Variants in NDRG2 observed in about 807,000 individuals in gnomAD.
NDRG2 encodes protein NDRG2.
In NDRG2, 34 loss-of-function variants were observed where a neutral mutation model predicts 58.2. The ratio of observed to expected loss-of-function variants is 0.58; its 90% confidence interval spans 0.44 to 0.78. NDRG2 has a LOEUF of 0.78. Ranked by LOEUF, NDRG2 falls within the 30% of genes least tolerant of loss-of-function variation. The pLI is 0.00. For synonymous variants in NDRG2, 187 were observed against 175.9 expected, an observed-to-expected ratio of 1.06 and a Z score of -0.50; for missense variants, 434 against 471.2, an observed-to-expected ratio of 0.92 and a Z score of 0.73.
chr14:21,040,020 C>CT (rs1243815374), intron 1 of NDRG2, among the ~76,000 whole-genome samples: 9 of 152,220 alleles, frequency 5.9e-5, no homozygotes, highest in African/African-American at 2.2e-4. Flanking sequence ...ACTCCAAAGG[C>CT]TAGACTGGCC....
intron 1 of NDRG2, chr14:21,058,531 A>G (rs4246989): frequency 0.94 from 562,146 of 596,988 alleles, 264,856 homozygotes; most frequent in African/African-American, 0.96. Context: ...CAAACGATGA[A>G]AGAAGAGGGC....
intron 1 of NDRG2, among the ~76,000 whole-genome samples, chr14:21,054,486 T>C (rs1163635185): frequency 6.6e-6 from 1 of 152,164 alleles, no homozygotes; most frequent in Non-Finnish European, 1.5e-5. Flanking sequence ...TCCATACCAG[T>C]GCACACAAGG....
Position 21,024,201 on chromosome 14 carries a change from C to T in NDRG2, c.-178G>A, listed in dbSNP as rs1882463961. 5 of 985,386 alleles carry T rather than the reference C, an allele frequency of 5.1e-6. No individual in the cohort carries two copies. Among genetic ancestry groups the T allele is most frequent in the African/African-American group, 1.7e-5 (1 of 57,230 alleles). The allele number at this position is 985,386 out of a possible 1,614,324, so 61.0% of individuals were successfully genotyped here. On this transcript the variant is annotated 5_prime_UTR_variant, in exon 1 of 16. Coordinates refer to ENST00000556147, the MANE Select transcript of NDRG2 (RefSeq NM_001320329.2). ...CCCAGACTCCCAGGGTCATCAACCT[C>T]CTCGGGTCACTAACCCTCCCCAGTG... is the stretch of plus-strand genomic sequence containing the variant.
rs556202022 is a variant in NDRG2, at chr14:21,066,750, G to A, written c.24+4078C>T. 3.7e-4 allele frequency among the ~76,000 whole-genome samples: 56 copies of A among 152,334 alleles called. 1 individual carries two copies. The highest frequency in any genetic ancestry group is 1.8e-3 in the Admixed American group (28 of 15,300). On this transcript the variant is annotated intron_variant, in intron 1 of 14. Coordinates refer to the NDRG2 transcript ENST00000403829. Reference sequence around the variant, plus strand: ...ACTAATGTGCTAGCACAGGCAAGATGCTGGTGGTATGGACCTTGATGACAC... The same window carrying A: ...ACTAATGTGCTAGCACAGGCAAGATACTGGTGGTATGGACCTTGATGACAC...
At chr14:21,031,899 C>T in intron 1 of NDRG2, 4 of 1,613,366 alleles carry the variant, frequency 2.5e-6, no homozygotes, top group Non-Finnish European at 3.4e-6. Context: ...CAGAAAGCAA[C>T]AACAGTGGGT....
At chr14:21,050,336 T>C (rs1259611368) in intron 1 of NDRG2, among the ~76,000 whole-genome samples, 1 of 152,136 alleles carries the variant, frequency 6.6e-6, no homozygotes, top group Non-Finnish European at 1.5e-5. Flanking sequence ...AATAAGGATA[T>C]GCAACAAGAA....
chr14:21,021,105 C>A, intron 6 of NDRG2: 1 of 627,134 alleles, frequency 1.6e-6, no homozygotes. Flanking sequence ...CATCCACCAG[C>A]CAACCAACAC....
At chr14:21,018,380 C>A (rs8016376) in intron 13 of NDRG2, 77 bp downstream of exon 13, 2 of 1,607,052 alleles carry the variant, frequency 1.2e-6, no homozygotes, top group Non-Finnish European at 1.7e-6. Flanking sequence ...GCTCCCATGC[C>A]GGGCCCTGGA....
rs1424239082 is a variant in NDRG2 at position 21,019,110 on chromosome 14, T to C, written c.761+6A>G. 12 of 1,608,848 alleles carry C rather than the reference T, an allele frequency of 7.5e-6. No homozygotes were observed. The South Asian group carries it at 1.0e-4, about 13-fold the overall frequency. ...ACAGGCAATGCATTATCTCTTAAAG[T>C]CTTACCTGAGGGTGATATCACCTCC... On this transcript the variant is annotated splice_donor_region_variant and intron_variant, in intron 11 of 15. Coordinates refer to ENST00000556147, the MANE Select transcript of NDRG2 (RefSeq NM_001320329.2).
At position 21,022,068 on chromosome 14, in the gene NDRG2, G is replaced by A. The variant is rs1251686373; in HGVS notation, c.338C>T (p.Pro113Leu). The A allele has an allele frequency of 6.2e-7, 1 of 1,614,124 alleles. No individual in the cohort carries two copies. The highest frequency in any genetic ancestry group is 8.5e-7 in the Non-Finnish European group (1 of 1,180,024). The change falls in exon 5 of 16, where the codon CCT (proline) becomes CTT (leucine). Residue 113 changes from proline (P) to leucine (L), a missense_variant. Physicochemically the swap from Pro to Leu is moderately conservative, Grantham distance 98. Transcript: ENST00000556147. Reference sequence around the variant, plus strand: ...GTAACGACCTAACTCTTACCCCAAAGGGAACACAGGGGCTCCCTCTTCCAT... The same window carrying A: ...GTAACGACCTAACTCTTACCCCAAAAGGAACACAGGGGCTCCCTCTTCCAT... ...PGMEEGAPVF[P>L]LGYQYPSLDQ...
chr14:21,066,881 C>T (rs967003947), intron 1 of NDRG2, among the ~76,000 whole-genome samples: 1 of 152,224 alleles, frequency 6.6e-6, no homozygotes, highest in African/African-American at 2.4e-5. Flanking sequence ...TATATATTTA[C>T]ATATCACACA....
chr14:21,019,924 C>T lies in NDRG2; in HGVS notation c.608G>A (p.Ser203Asn). 6.2e-7 allele frequency: 1 copy of T among 1,614,094 alleles called. No homozygotes were observed. Among genetic ancestry groups the T allele is most frequent in the Non-Finnish European group, 8.5e-7 (1 of 1,179,992 alleles). Reference protein sequence around the residue: ...IPEMILGHLFSQEELSGNSEL... With the variant: ...IPEMILGHLFNQEELSGNSEL... ...ACATCTCCTACACCCACTTACCTGG[C>T]TGAAAAGATGTCCAAGGATCATCTC... The change falls in exon 9 of 16, where the codon AGC becomes AAC. Residue 203 changes from serine to asparagine, a missense_variant. Transcript: ENST00000556147.
chr14:21,065,259 CA>C (rs777334550), intron 1 of NDRG2, among the ~76,000 whole-genome samples: 1 of 151,676 alleles, frequency 6.6e-6, no homozygotes, highest in Non-Finnish European at 1.5e-5. Context: ...AACAAACAAA[CA>C]AAAAAAACCT....
chr14:21,058,179 G>T, intron 1 of NDRG2: 1 of 1,614,052 alleles, frequency 6.2e-7, no homozygotes, highest in Non-Finnish European at 8.5e-7. Flanking sequence ...TGTAAAAACT[G>T]CCACCAGAGC....
chr14:21,026,150 A>ACG (rs1883591668), upstream of NDRG2, among the ~76,000 whole-genome samples: 1 of 151,302 alleles, frequency 6.6e-6, no homozygotes, highest in Non-Finnish European at 1.5e-5. Flanking sequence ...ACACACGCAC[A>ACG]CGCACACACA....
In NDRG2 at chr14:21,017,485, T is replaced by G; in HGVS notation, c.*111A>C. On this transcript the variant is annotated 3_prime_UTR_variant, in exon 16 of 16. Coordinates refer to ENST00000556147, the MANE Select transcript of NDRG2 (RefSeq NM_001320329.2). ...CAAAGATCAAGGTCATCTCCCCGCA[T>G]GATCTGCCCTTTTTCCCTTGCTTAC... The G allele has an allele frequency of 8.3e-7, 1 of 1,211,110 alleles. No individual in the cohort carries two copies. Among genetic ancestry groups the G allele is most frequent in the Non-Finnish European group, 1.1e-6 (1 of 874,202 alleles). 75.0% of individuals were successfully genotyped at this position (1,211,110 alleles called of 1,614,324 possible).
Position 21,061,017 on chromosome 14 carries a change from G to A in NDRG2, c.24+9811C>T, listed in dbSNP as rs59274242. ...GGAGCTAGGCAAATATACCTAGGTT[G>A]GTACAACCGCAGATTCACTACCTTG... On this transcript the variant is annotated intron_variant, in intron 1 of 14. Coordinates refer to the NDRG2 transcript ENST00000403829. Among the ~76,000 whole-genome samples the A allele has an allele frequency of 1.9e-3, 292 of 152,324 alleles. 1 individual carries two copies. The highest frequency in any genetic ancestry group is 5.3e-3 in the African/African-American group (221 of 41,572).
intron 1 of NDRG2, chr14:21,034,167 C>G: frequency 1.2e-6 from 2 of 1,614,096 alleles, no homozygotes; most frequent in Non-Finnish European, 1.7e-6. Context: ...GTAGTTAACC[C>G]TGGGATAGTC....
intron 1 of NDRG2, chr14:21,032,450 G>T (rs1004348905): frequency 3.9e-5 from 16 of 405,134 alleles, no homozygotes; most frequent in African/African-American, 3.1e-4. Context: ...CCTCAAAAGG[G>T]TGTAGCAATT....
Sources: gnomAD v4.1 joint callset for allele counts (sites outside exome capture counted in the v4.1 genomes callset) on GRCh38, gnomAD v4.1.1 for gene constraint, MANE v1.5 for transcripts, NCBI Gene and HGNC (gene_info 2026-07-23, HGNC 2026-07-21) for gene names.